Variants in CSGALNACT1 observed in about 807,000 individuals in gnomAD.
The protein encoded by CSGALNACT1 is chondroitin sulfate N-acetylgalactosaminyltransferase 1, also known as beta4GalNAcT-1.
CSGALNACT1 carries 52 observed loss-of-function variants against 51.0 expected under a neutral mutation model. The observed-to-expected ratio is 1.02, with a 90% confidence interval of 0.82 to 1.29. CSGALNACT1 has a LOEUF of 1.29. CSGALNACT1 is among the 50% of genes most tolerant of loss of function. The probability of loss-of-function intolerance (pLI) is 0.00; values close to 1 mark genes in which losing one functional copy is unlikely to be tolerated. For missense variants in CSGALNACT1, 935 were observed against 679.2 expected (o/e 1.38, Z -4.19); for synonymous variants, 341 against 254.4 (o/e 1.34, Z -3.24).
chr8:19,609,958 C>T (rs992100665), intron 1 of CSGALNACT1, among the ~76,000 whole-genome samples: 3 of 151,952 alleles, frequency 2.0e-5, no homozygotes, highest in Admixed American at 6.6e-5. Context: ...CGGTGGCTCA[C>T]GCCTGTAATC....
At chr8:19,659,292 T>C (rs928721963) in intron 1 of CSGALNACT1, among the ~76,000 whole-genome samples, 1 of 152,216 alleles carries the variant, frequency 6.6e-6, no homozygotes, top group African/African-American at 2.4e-5. Flanking sequence ...CTTGCATTAT[T>C]TCCCATTGGT....
At chr8:19,490,915 C>T (rs1261028973) in intron 4 of CSGALNACT1, among the ~76,000 whole-genome samples, 1 of 152,184 alleles carries the variant, frequency 6.6e-6, no homozygotes, top group Admixed American at 6.5e-5. Flanking sequence ...AAACCTGGGA[C>T]TGTTTCAATT....
At chr8:19,629,080 G>T (rs2054849064) in intron 1 of CSGALNACT1, among the ~76,000 whole-genome samples, 1 of 152,136 alleles carries the variant, frequency 6.6e-6, no homozygotes, top group Admixed American at 6.5e-5. Flanking sequence ...ATAGGTCCAA[G>T]TAATTGGAGT....
chr8:19,509,290 A>C (rs1174098719), intron 3 of CSGALNACT1, among the ~76,000 whole-genome samples: 1 of 152,168 alleles, frequency 6.6e-6, no homozygotes, highest in African/African-American at 2.4e-5. Flanking sequence ...TGAAGACTTC[A>C]TGTTTTTCCT....
At chr8:19,562,045 C>G (rs1254930672) in intron 3 of CSGALNACT1, among the ~76,000 whole-genome samples, 2 of 152,200 alleles carry the variant, frequency 1.3e-5, no homozygotes, top group African/African-American at 4.8e-5. Flanking sequence ...CCTACCAAGC[C>G]TGCACTGAGG....
At chr8:19,715,580 T>C (rs2062758363) in intron 1 of CSGALNACT1, among the ~76,000 whole-genome samples, 1 of 152,240 alleles carries the variant, frequency 6.6e-6, no homozygotes, top group South Asian at 2.1e-4. Flanking sequence ...AATAGGGCTG[T>C]GATGAACATT....
At chr8:19,516,984 C>G (rs1218998842) in intron 3 of CSGALNACT1, among the ~76,000 whole-genome samples, 2 of 152,228 alleles carry the variant, frequency 1.3e-5, no homozygotes, top group East Asian at 3.9e-4. Context: ...ACCCACTGCC[C>G]ACCTGGAGAG....
chr8:19,490,607 C>T (rs1229230643), intron 4 of CSGALNACT1, among the ~76,000 whole-genome samples: 1 of 152,156 alleles, frequency 6.6e-6, no homozygotes, highest in Non-Finnish European at 1.5e-5. Flanking sequence ...AAATCCACAC[C>T]AGCTTAGTGC....
At chr8:19,743,940 G>C (rs1429667411) in intron 1 of CSGALNACT1, among the ~76,000 whole-genome samples, 1 of 151,868 alleles carries the variant, frequency 6.6e-6, no homozygotes, top group Non-Finnish European at 1.5e-5. Context: ...CAATATATTT[G>C]CTACACTGGC....
At chr8:19,600,290 C>A (rs555699352) in intron 2 of CSGALNACT1, among the ~76,000 whole-genome samples, 2 of 152,268 alleles carry the variant, frequency 1.3e-5, no homozygotes, top group African/African-American at 4.8e-5. Flanking sequence ...CCATATTGGC[C>A]AGGCTGGTCT....
At chr8:19,441,077 C>A (rs914299666) in intron 5 of CSGALNACT1, among the ~76,000 whole-genome samples, 15 of 152,044 alleles carry the variant, frequency 9.9e-5, no homozygotes, top group African/African-American at 1.4e-4. Context: ...GAGGATACAA[C>A]CAAATGGAAG....
chr8:19,477,267 G>T (rs1278873526), intron 4 of CSGALNACT1, among the ~76,000 whole-genome samples: 1 of 152,192 alleles, frequency 6.6e-6, no homozygotes, highest in Non-Finnish European at 1.5e-5. Context: ...TCCCCATAGA[G>T]CTGGGCAGTG....
rs542440307 is a variant in CSGALNACT1 at position 19,483,664 on chromosome 8, A to T, written c.634+21537T>A. Among the ~76,000 whole-genome samples the T allele has an allele frequency of 5.3e-5, 8 of 152,308 alleles. No homozygotes were observed. The South Asian group carries it at 1.7e-3, about 32-fold the overall frequency. ...TACATGCCCCATACAACAATTATGT[A>T]ATCTCTGTAATCTAAAACCATACCT... On this transcript the variant is annotated intron_variant, in intron 4 of 9. Coordinates refer to ENST00000454498, the Ensembl canonical transcript of CSGALNACT1.
At chr8:19,753,569 G>C (rs1183532522) in intron 1 of CSGALNACT1, among the ~76,000 whole-genome samples, 2 of 152,168 alleles carry the variant, frequency 1.3e-5, no homozygotes, top group Non-Finnish European at 2.9e-5. Context: ...ACAAGGTCTT[G>C]AGATATTGCC....
chr8:19,617,785 C>T (rs1412547438), intron 1 of CSGALNACT1, among the ~76,000 whole-genome samples: 1 of 152,058 alleles, frequency 6.6e-6, no homozygotes, highest in Non-Finnish European at 1.5e-5. Context: ...TAAAATTGTG[C>T]TGATTTATGT....
upstream of CSGALNACT1, among the ~76,000 whole-genome samples, chr8:19,604,695 C>G (rs1193286298): frequency 6.7e-6 from 1 of 148,950 alleles, no homozygotes; most frequent in African/African-American, 2.5e-5. Flanking sequence ...ATCACAATGT[C>G]AGGAGATCAA....
intron 1 of CSGALNACT1, among the ~76,000 whole-genome samples, chr8:19,755,255 T>C (rs1299337129): frequency 6.6e-6 from 1 of 151,938 alleles, no homozygotes; most frequent in African/African-American, 2.4e-5. Flanking sequence ...CTTAGGAAGA[T>C]ACAAGAAAAA....
intron 4 of CSGALNACT1, among the ~76,000 whole-genome samples, chr8:19,472,453 C>G (rs1295652957): frequency 6.6e-6 from 1 of 152,214 alleles, no homozygotes. Flanking sequence ...CACTCTGACT[C>G]ACGTCCATTT....
intron 3 of CSGALNACT1, among the ~76,000 whole-genome samples, chr8:19,537,376 C>T (rs146032851): frequency 1.3e-5 from 2 of 152,144 alleles, no homozygotes; most frequent in African/African-American, 4.8e-5. Context: ...GGGCTGAAAA[C>T]TCCACCCTTC....
Sources: allele counts gnomAD v4.1 joint callset (sites outside exome capture counted in the v4.1 genomes callset), GRCh38; gene constraint gnomAD v4.1.1; transcripts MANE v1.5; gene names NCBI Gene and HGNC (gene_info 2026-07-23, HGNC 2026-07-21).